ZNF362: variants seen among roughly 807,000 people sequenced by gnomAD.
The protein encoded by ZNF362 is rotund homolog.
Under a neutral mutation model 42.9 loss-of-function variants are expected in ZNF362, and 11 were observed. The observed-to-expected ratio is 0.26, with a 90% confidence interval of 0.16 to 0.42. The LOEUF (loss-of-function observed/expected upper bound fraction) is 0.42, where lower values mean the gene tolerates loss of function less well. ZNF362 is among the 20% of genes least tolerant of loss of function. The probability of loss-of-function intolerance (pLI) is 1.00; values close to 1 mark genes in which losing one functional copy is unlikely to be tolerated. For synonymous variants in ZNF362, 255 were observed against 257.3 expected (o/e 0.99, Z 0.09); for missense variants, 362 against 576.2 (o/e 0.63, Z 3.81).
At chr1:33,191,968 G>A in the ZNF362 span, among the ~76,000 whole-genome samples, 3 of 152,154 alleles carry the variant, frequency 2.0e-5, no homozygotes, top group Non-Finnish European at 4.4e-5. Flanking sequence ...TAGTTTCCAG[G>A]CAAGAGGAGG....
intron 6 of ZNF362, among the ~76,000 whole-genome samples, chr1:33,293,456 C>T (rs1004009802): frequency 2.0e-5 from 3 of 152,210 alleles, no homozygotes; most frequent in Non-Finnish European, 2.9e-5. Context: ...GTGTTTCTTA[C>T]TCAACCCTGT....
intron 2 of ZNF362, chr1:33,275,049 T>C: frequency 1.0e-6 from 1 of 985,452 alleles, no homozygotes; most frequent in Non-Finnish European, 1.2e-6. Context: ...AAGCACTTCA[T>C]TTTGGTCTTT....
At chr1:33,287,368 T>A (rs1256760398) in intron 6 of ZNF362, among the ~76,000 whole-genome samples, 2 of 152,134 alleles carry the variant, frequency 1.3e-5, no homozygotes, top group African/African-American at 4.8e-5. Context: ...GTGTTGTAGC[T>A]CCAGCTACTC....
the ZNF362 span, among the ~76,000 whole-genome samples, chr1:33,232,099 G>A: frequency 2.0e-5 from 3 of 152,016 alleles, no homozygotes; most frequent in African/African-American, 7.2e-5. Context: ...CTCAGTATTG[G>A]GGCATGAGTC....
the ZNF362 span, chr1:33,166,377 T>C: frequency 1.3e-5 from 2 of 151,182 alleles, no homozygotes; most frequent in African/African-American, 2.4e-5. Context: ...TCCATGAAGC[T>C]GGTCCCTGGT....
the ZNF362 span, among the ~76,000 whole-genome samples, chr1:33,174,998 C>CGT: frequency 9.8e-5 from 4 of 40,706 alleles, no homozygotes; most frequent in African/African-American, 3.2e-4. Flanking sequence ...TGCACACACA[C>CGT]ATGTATGTAT....
chr1:33,179,850 T>G, the ZNF362 span, among the ~76,000 whole-genome samples: 1 of 152,220 alleles, frequency 6.6e-6, no homozygotes, highest in Admixed American at 6.5e-5. Context: ...TAAAATAGAT[T>G]TATTTGCAAC....
At chr1:33,289,959 G>A (rs1007216515) in intron 6 of ZNF362, among the ~76,000 whole-genome samples, 2 of 152,186 alleles carry the variant, frequency 1.3e-5, no homozygotes, top group African/African-American at 4.8e-5. Flanking sequence ...CAGATCAGGA[G>A]TTGGGTTTTA....
the ZNF362 span, among the ~76,000 whole-genome samples, chr1:33,219,883 C>A: frequency 6.6e-6 from 1 of 152,180 alleles, no homozygotes; most frequent in Non-Finnish European, 1.5e-5. Flanking sequence ...TCCTTACTTC[C>A]TTTCCCGTCT....
At chr1:33,230,580 C>T in the ZNF362 span, among the ~76,000 whole-genome samples, 5 of 152,222 alleles carry the variant, frequency 3.3e-5, no homozygotes, top group South Asian at 2.1e-4. Context: ...AGTGTTCGCA[C>T]GTGCAGACAT....
At chr1:33,150,139 G>C in the ZNF362 span, among the ~76,000 whole-genome samples, 1 of 152,250 alleles carries the variant, frequency 6.6e-6, no homozygotes, top group Non-Finnish European at 1.5e-5. Context: ...GCTTTCCTTA[G>C]CCTGAATGAC....
upstream of ZNF362, among the ~76,000 whole-genome samples, chr1:33,253,568 G>A (rs917666185): frequency 4.6e-5 from 7 of 151,992 alleles, no homozygotes; most frequent in African/African-American, 1.2e-4. Flanking sequence ...GAGGAGACTC[G>A]TGGGGCAAAG....
At chr1:33,206,163 A>G in the ZNF362 span, among the ~76,000 whole-genome samples, 3 of 152,194 alleles carry the variant, frequency 2.0e-5, no homozygotes, top group East Asian at 3.8e-4. Context: ...AAATTAGCAT[A>G]TAAAAATGTT....
At chr1:33,224,972 C>T in the ZNF362 span, among the ~76,000 whole-genome samples, 1 of 151,768 alleles carries the variant, frequency 6.6e-6, no homozygotes, top group African/African-American at 2.4e-5. Flanking sequence ...TCCACAGAAA[C>T]CACAAGAGCC....
chr1:33,238,381 T>TAAATAAAATAAATA, the ZNF362 span, among the ~76,000 whole-genome samples: 1 of 105,536 alleles, frequency 9.5e-6, no homozygotes, highest in East Asian at 2.8e-4. Context: ...TAAAATAAAA[T>TAAATAAAATAAATA]AAATAAAATA....
chr1:33,144,231 G>A, the ZNF362 span, among the ~76,000 whole-genome samples: 1 of 149,838 alleles, frequency 6.7e-6, no homozygotes, highest in Admixed American at 6.8e-5. Flanking sequence ...TCCGCCTCCC[G>A]GGTTCAAGAG....
At chr1:33,254,714 G>A (rs566424527), upstream of ZNF362, among the ~76,000 whole-genome samples, 118 of 146,330 alleles carry the variant, frequency 8.1e-4, no homozygotes, top group African/African-American at 2.7e-3. Flanking sequence ...TCCCTGTAAA[G>A]TTACTCCTTT....
chr1:33,145,466 T>C, the ZNF362 span: 1 of 166,250 alleles, frequency 6.0e-6, no homozygotes, highest in African/African-American at 2.4e-5. Flanking sequence ...ACATTTTAAA[T>C]AAAAATACTG....
the ZNF362 span, among the ~76,000 whole-genome samples, chr1:33,180,589 C>G: frequency 1.2e-4 from 18 of 152,322 alleles, no homozygotes; most frequent in East Asian, 3.5e-3. Context: ...GCTCAGCTAC[C>G]CGGTTTAATA....
Sources: gnomAD v4.1 joint callset for allele counts (sites outside exome capture counted in the v4.1 genomes callset) on GRCh38, gnomAD v4.1.1 for gene constraint, MANE v1.5 for transcripts, NCBI Gene and HGNC (gene_info 2026-07-23, HGNC 2026-07-21) for gene names.